CNGB3: variants seen among roughly 807,000 people sequenced by gnomAD.
CNGB3 encodes the protein cyclic nucleotide gated channel subunit beta 3.
A neutral mutation model predicts 92.8 loss-of-function variants in CNGB3; 86 were observed. The observed-to-expected ratio is 0.93, with a 90% CI of 0.78 to 1.11. CNGB3 has a LOEUF of 1.11. Ranked by LOEUF, CNGB3 falls within the 50% of genes least tolerant of loss-of-function variation. The probability of loss-of-function intolerance (pLI) is 0.00; values close to 1 mark genes in which losing one functional copy is unlikely to be tolerated. For missense variants in CNGB3, 1,026 were observed against 956.8 expected (o/e 1.07, Z -0.95); for synonymous variants, 333 against 332.7 (o/e 1.00, Z -0.01).
intron 10 of CNGB3, among the ~76,000 whole-genome samples, chr8:86,641,091 T>A (rs1441247): frequency 2.6e-5 from 4 of 151,910 alleles, no homozygotes; most frequent in African/African-American, 9.7e-5. Flanking sequence ...AGTGAACTCT[T>A]GTCATCCTCA....
chr8:86,577,346 C>G (rs1821680375), intron 17 of CNGB3, among the ~76,000 whole-genome samples: 1 of 152,212 alleles, frequency 6.6e-6, no homozygotes, highest in Non-Finnish European at 1.5e-5. Flanking sequence ...TTATTTTGGG[C>G]TTTAAACATT....
At chr8:86,652,620 A>T (rs1823428719) in intron 7 of CNGB3, among the ~76,000 whole-genome samples, 1 of 151,990 alleles carries the variant, frequency 6.6e-6, no homozygotes, top group East Asian at 1.9e-4. Context: ...AAAAACCAAG[A>T]CACAAGCACA....
chr8:86,709,816 T>G (rs564967737), intron 3 of CNGB3, among the ~76,000 whole-genome samples: 31 of 152,292 alleles, frequency 2.0e-4, no homozygotes, highest in African/African-American at 6.7e-4. Context: ...AAGAACAATA[T>G]TTAAAGCTAA....
intron 3 of CNGB3, among the ~76,000 whole-genome samples, chr8:86,679,973 C>G (rs1401721419): frequency 6.6e-6 from 1 of 152,172 alleles, no homozygotes. Context: ...TCACCAGAAC[C>G]GAGTCTGACA....
At chr8:86,705,601 G>A (rs949089768) in intron 3 of CNGB3, among the ~76,000 whole-genome samples, 3 of 152,044 alleles carry the variant, frequency 2.0e-5, no homozygotes, top group Admixed American at 6.5e-5. Flanking sequence ...CAGAAGAGAC[G>A]CTGCAGACAA....
Position 86,637,336 on chromosome 8 carries a change from G to A in CNGB3, c.1179-4443C>T, listed in dbSNP as rs560554015. The stretch of plus-strand genomic sequence containing the variant: ...GGACCATATGTGTGTTTTTATGCCA[G>A]TTTCATACTGTTTTGATTATGGTAG... On this transcript the variant is annotated intron_variant, in intron 10 of 17. Coordinates refer to ENST00000320005, the MANE Select transcript of CNGB3 (RefSeq NM_019098.5). Among the ~76,000 whole-genome samples the A allele has an allele frequency of 5.9e-5, 9 of 152,236 alleles. No individual in the cohort carries two copies. In the South Asian group the frequency reaches 1.9e-3, roughly 32 times the overall value.
intron 3 of CNGB3, among the ~76,000 whole-genome samples, chr8:86,694,807 C>T (rs1024140729): frequency 4.0e-5 from 6 of 151,820 alleles, no homozygotes; most frequent in Non-Finnish European, 5.9e-5. Context: ...ACGCTCCTCA[C>T]TTTCCAGACT....
intron 4 of CNGB3, among the ~76,000 whole-genome samples, chr8:86,668,835 G>A (rs1043463500): frequency 1.9e-4 from 29 of 152,068 alleles, no homozygotes; most frequent in African/African-American, 6.3e-4. Flanking sequence ...GGAGGGTGGT[G>A]ATGGTGATGC....
At chr8:86,594,748 C>T (rs1822132066) in intron 15 of CNGB3, among the ~76,000 whole-genome samples, 1 of 150,342 alleles carries the variant, frequency 6.7e-6, no homozygotes, top group African/African-American at 2.5e-5. Context: ...CTCGCTCTGT[C>T]ACCAGGCTGG....
At chr8:86,594,344 T>C (rs1822123227) in intron 15 of CNGB3, 2 of 326,248 alleles carry the variant, frequency 6.1e-6, no homozygotes, top group Admixed American at 7.7e-5. Flanking sequence ...CACCAGCCCA[T>C]GCAGCAGGTC....
rs745408685 is a variant in CNGB3 at position 86,578,671 on chromosome 8, T to A, written c.2103+18A>T. On this transcript the variant is annotated intron_variant, in intron 17 of 17. Transcript: ENST00000320005. Reference sequence around the variant, plus strand: ...GGGCCTTCTCCATGACAGCCGTCCATTCACTCCACCTTATTACCTGAGCTG... The same window carrying A: ...GGGCCTTCTCCATGACAGCCGTCCAATCACTCCACCTTATTACCTGAGCTG... 1.9e-6 allele frequency: 3 copies of A among 1,613,246 alleles called. No homozygotes were observed. The highest frequency in any genetic ancestry group is 2.5e-6 in the Non-Finnish European group (3 of 1,179,826).
In CNGB3 at chr8:86,575,764, T is replaced by C; in HGVS notation, c.*40A>G. ...AGTTACAATCCTAGGTACAATCACTTTGGGAACTAGCTATATCACATCTAA... is the reference window on the plus strand; with the variant it reads ...AGTTACAATCCTAGGTACAATCACTCTGGGAACTAGCTATATCACATCTAA... On this transcript the variant is annotated 3_prime_UTR_variant, in exon 18 of 18. Coordinates refer to ENST00000320005, the MANE Select transcript of CNGB3 (RefSeq NM_019098.5). 6.4e-7 allele frequency: 1 copy of C among 1,560,140 alleles called. No individual in the cohort carries two copies. The highest frequency in any genetic ancestry group is 8.8e-7 in the Non-Finnish European group (1 of 1,132,142).
At position 86,660,743 on chromosome 8, in the gene CNGB3, AGAACAGG is replaced by A. The variant is rs1823624378; in HGVS notation, c.852+6175_852+6181del. 3 of 527,400 alleles carry A rather than the reference AGAACAGG, an allele frequency of 5.7e-6. No homozygotes were observed. The Admixed American group carries it at 5.8e-5, about 10-fold the overall frequency. 32.7% of individuals were successfully genotyped at this position (527,400 alleles called of 1,614,324 possible). A position where few individuals can be genotyped will look rare whatever the true frequency, so the allele number is the denominator to read the frequency against. On this transcript the variant is annotated intron_variant, in intron 6 of 17. Transcript: ENST00000320005. ...CCCATCCAATACATATCCTCCTGAG[AGAACAGG>A]TAACACCACTCAAACAAATGGAGGA...
chr8:86,722,971 T>C (rs1314068169), intron 3 of CNGB3, among the ~76,000 whole-genome samples: 1 of 152,124 alleles, frequency 6.6e-6, no homozygotes, highest in Non-Finnish European at 1.5e-5. Context: ...CAATTCCTTA[T>C]AATAAATTTA....
intron 1 of CNGB3, among the ~76,000 whole-genome samples, chr8:86,741,501 TA>T (rs1311687369): frequency 6.6e-6 from 1 of 151,888 alleles, no homozygotes; most frequent in Admixed American, 6.6e-5. Flanking sequence ...CCGTCTCTAC[TA>T]AAAATACAAA....
intron 15 of CNGB3, among the ~76,000 whole-genome samples, chr8:86,583,063 G>A (rs1477424796): frequency 1.3e-5 from 2 of 151,832 alleles, no homozygotes; most frequent in Non-Finnish European, 2.9e-5. Context: ...CACCATGCCT[G>A]GCTAATTTTT....
intron 11 of CNGB3, among the ~76,000 whole-genome samples, chr8:86,630,913 T>C (rs1277736600): frequency 6.6e-6 from 1 of 152,144 alleles, no homozygotes; most frequent in African/African-American, 2.4e-5. Flanking sequence ...TCGTATAGTC[T>C]CTATGTGGGA....
At chr8:86,718,673 C>A (rs1824910021) in intron 3 of CNGB3, among the ~76,000 whole-genome samples, 1 of 152,060 alleles carries the variant, frequency 6.6e-6, no homozygotes, top group African/African-American at 2.4e-5. Flanking sequence ...TTATATGAAG[C>A]CAATAACACT....
intron 2 of CNGB3, among the ~76,000 whole-genome samples, chr8:86,731,712 A>G (rs1825158484): frequency 6.6e-6 from 1 of 152,154 alleles, no homozygotes; most frequent in Non-Finnish European, 1.5e-5. Flanking sequence ...TCTTTTCTGT[A>G]ACAGTTTCCT....
Sources: allele counts gnomAD v4.1 joint callset (sites outside exome capture counted in the v4.1 genomes callset), GRCh38; gene constraint gnomAD v4.1.1; transcripts MANE v1.5; gene names NCBI Gene and HGNC (gene_info 2026-07-23, HGNC 2026-07-21).